NOSTRIN: variants seen among roughly 807,000 people sequenced by gnomAD.
The protein encoded by NOSTRIN is BM247 homolog.
Under a neutral mutation model 59.0 loss-of-function variants are expected in NOSTRIN, and 63 were observed. The ratio of observed to expected loss-of-function variants is 1.07; its 90% CI spans 0.87 to 1.32. The LOEUF is 1.32. Ranked by LOEUF, NOSTRIN falls within the 40% of genes most tolerant of loss-of-function variation. The probability of loss-of-function intolerance (pLI) is 0.00; values close to 1 mark genes in which losing one functional copy is unlikely to be tolerated. For synonymous variants in NOSTRIN, 200 were observed against 165.4 expected (o/e 1.21, Z -1.61); for missense variants, 512 against 473.1 (o/e 1.08, Z -0.76).
chr2:168,861,912 C>A, intron 14 of NOSTRIN, 48 bp from the exon 15 acceptor site: 1 of 1,535,990 alleles, frequency 6.5e-7, no homozygotes, highest in Non-Finnish European at 9.0e-7. Context: ...AGCTCATATT[C>A]ATTTGCCTGC....
chr2:168,793,558 C>T (rs547840779), upstream of NOSTRIN, among the ~76,000 whole-genome samples: 3 of 152,256 alleles, frequency 2.0e-5, no homozygotes, highest in Non-Finnish European at 4.4e-5. Flanking sequence ...TTGCAGTGAG[C>T]CAAGATCGTG....
chr2:168,805,142 C>T (rs189386607), intron 1 of NOSTRIN, among the ~76,000 whole-genome samples: 6 of 152,194 alleles, frequency 3.9e-5, no homozygotes, highest in East Asian at 1.9e-4. Context: ...GCTCATGGTA[C>T]GAAAAAATTT....
intron 15 of NOSTRIN, among the ~76,000 whole-genome samples, chr2:168,864,426 C>T (rs138388408): frequency 2.0e-3 from 301 of 152,218 alleles, no homozygotes; most frequent in African/African-American, 6.4e-3. Flanking sequence ...GCTGGTATTA[C>T]AGGCGTGCGC....
In NOSTRIN at chr2:168,834,490, TGCGCGC is replaced by T. The variant is rs145224351; in HGVS notation, c.504+178_504+183del. On this transcript the variant is annotated intron_variant, in intron 7 of 15. Transcript: ENST00000317647. ...AGGGGATTCCAAATCATTACTGGCG[TGCGCGC>T]GCGCGCGCGCGCACACACACACACA... 3.4e-3 allele frequency among the ~76,000 whole-genome samples: 297 copies of T among 87,558 alleles called. 2 individuals carry two copies. Among genetic ancestry groups the T allele is most frequent in the South Asian group, 7.5e-3 (14 of 1,876 alleles). The allele number at this position is 87,558 out of a possible 152,430, so 57.4% of individuals were successfully genotyped here.
intron 12 of NOSTRIN, among the ~76,000 whole-genome samples, chr2:168,857,548 T>C (rs967501607): frequency 6.6e-6 from 1 of 152,138 alleles, no homozygotes; most frequent in African/African-American, 2.4e-5. Flanking sequence ...TTCGTGGGGA[T>C]TGATGGACAT....
intron 12 of NOSTRIN, among the ~76,000 whole-genome samples, chr2:168,858,316 A>C (rs1689241160): frequency 6.6e-6 from 1 of 152,240 alleles, no homozygotes; most frequent in African/African-American, 2.4e-5. Context: ...CCAAATATCC[A>C]CATGATTTCA....
At chr2:168,825,045 C>A (rs1007599099) in intron 3 of NOSTRIN, among the ~76,000 whole-genome samples, 1 of 152,294 alleles carries the variant, frequency 6.6e-6, no homozygotes, top group Non-Finnish European at 1.5e-5. Context: ...ATGTGTGAGC[C>A]ACCACACCCA....
chr2:168,845,790 C>CTTCTTTTTTT (rs36186706), intron 8 of NOSTRIN, among the ~76,000 whole-genome samples: 32 of 140,634 alleles, frequency 2.3e-4, no homozygotes, highest in African/African-American at 6.9e-4. Flanking sequence ...TTTTTTCTTC[C>CTTCTTTTTTT]TTTTTTTTTT....
chr2:168,831,048 A>G (rs1687329906), intron 5 of NOSTRIN, among the ~76,000 whole-genome samples: 1 of 152,226 alleles, frequency 6.6e-6, no homozygotes, highest in Non-Finnish European at 1.5e-5. Context: ...TTGATAAGCT[A>G]GTACTGTGAC....
upstream of NOSTRIN, among the ~76,000 whole-genome samples, chr2:168,793,426 G>C (rs1685407452): frequency 6.6e-6 from 1 of 152,036 alleles, no homozygotes. Flanking sequence ...TGGGCAATAT[G>C]GTGAAACCTC....
At chr2:168,802,623 G>C (rs1242520227), upstream of NOSTRIN, 2 of 867,266 alleles carry the variant, frequency 2.3e-6, no homozygotes, top group African/African-American at 3.3e-5. Context: ...TAGGTGAAAG[G>C]ACAAAAGCCA....
At position 168,851,354 on chromosome 2, in the gene NOSTRIN, G is replaced by A; in HGVS notation, c.805G>A (p.Ala269Thr). Reference protein sequence around the residue: ...KDIQAVMEETAILSTENKSEF... With the variant: ...KDIQAVMEETTILSTENKSEF... ...TATCCAGGCTGTAATGGAAGAAACT[G>A]CAATTTTATCTACAGAAAACAAATC... The change falls in exon 10 of 16, where the codon GCA (alanine) becomes ACA (threonine). Residue 269 changes from alanine to threonine, a missense_variant. Ala to Thr is a moderately conservative substitution (Grantham distance 58). Transcript: ENST00000317647. 1 of 1,613,346 alleles carries A rather than the reference G, an allele frequency of 6.2e-7. No homozygotes were observed. The highest frequency in any genetic ancestry group is 8.5e-7 in the Non-Finnish European group (1 of 1,179,886).
At chr2:168,847,698 T>C (rs1270659875) in intron 8 of NOSTRIN, among the ~76,000 whole-genome samples, 1 of 152,206 alleles carries the variant, frequency 6.6e-6, no homozygotes, top group Non-Finnish European at 1.5e-5. Flanking sequence ...CACACTTTGT[T>C]CATATATACT....
intron 6 of NOSTRIN, among the ~76,000 whole-genome samples, chr2:168,833,748 G>C (rs6724664): frequency 6.6e-6 from 1 of 152,126 alleles, no homozygotes; most frequent in Non-Finnish European, 1.5e-5. Context: ...CAACTCTCAG[G>C]CTTGGCCATC....
Position 168,864,902 on chromosome 2 carries a change from G to A in NOSTRIN, c.1453G>A (p.Gly485Ser). ...WWFGSLNGKK[G>S]HFPAAYVEEL... is the part of the protein sequence containing the mutation. ...GTTTGGATCTTTGAATGGGAAAAAA[G>A]GCCATTTTCCTGCCGCTTATGTGGA... Residue 485 changes from glycine to serine, a missense_variant, in exon 16 of 16, where the codon GGC (glycine) becomes AGC (serine). Coordinates refer to ENST00000317647, the MANE Select transcript of NOSTRIN (RefSeq NM_001039724.4). 1.2e-6 allele frequency: 2 copies of A among 1,614,048 alleles called. No individual in the cohort carries two copies. Among genetic ancestry groups the A allele is most frequent in the Middle Eastern group, 1.6e-4 (1 of 6,062 alleles).
At chr2:168,792,010 G>C (rs1339572773) in intron 2 of NOSTRIN, among the ~76,000 whole-genome samples, 1 of 151,992 alleles carries the variant, frequency 6.6e-6, no homozygotes, top group Non-Finnish European at 1.5e-5. Context: ...TGTCAATTTT[G>C]GCTTTTGTTG....
chr2:168,855,310 T>TA, intron 10 of NOSTRIN, 42 bp from the exon 11 acceptor site: 1 of 1,057,990 alleles, frequency 9.5e-7, no homozygotes, highest in East Asian at 2.5e-5. Context: ...TAGCAACTCT[T>TA]ACTTCTTCCC....
At chr2:168,791,552 C>T (rs1431095348) in intron 2 of NOSTRIN, among the ~76,000 whole-genome samples, 1 of 152,184 alleles carries the variant, frequency 6.6e-6, no homozygotes, top group Non-Finnish European at 1.5e-5. Context: ...TTCTAGATCC[C>T]TGAGGAATTG....
At chr2:168,811,951 T>G (rs959728042) in intron 2 of NOSTRIN, 1 of 214,886 alleles carries the variant, frequency 4.7e-6, no homozygotes, top group African/African-American at 2.3e-5. Context: ...ATGCATAGTC[T>G]CATTATTGTA....
Sources: gnomAD v4.1 joint callset for allele counts (sites outside exome capture counted in the v4.1 genomes callset) on GRCh38, gnomAD v4.1.1 for gene constraint, MANE v1.5 for transcripts, NCBI Gene and HGNC (gene_info 2026-07-23, HGNC 2026-07-21) for gene names.